CEP85L: variants seen among roughly 807,000 people sequenced by gnomAD.
CEP85L encodes the protein centrosomal protein of 85 kDa-like.
Under a neutral mutation model 100.3 loss-of-function variants are expected in CEP85L, and 60 were observed. That is an observed-to-expected ratio of 0.60 (90% confidence interval 0.49 to 0.74). CEP85L has a LOEUF of 0.74. CEP85L is among the 30% of genes least tolerant of loss of function. CEP85L has a pLI of 0.00. For missense variants in CEP85L, 973 were observed against 936.2 expected (o/e 1.04, Z -0.51); for synonymous variants, 319 against 322.7 (o/e 0.99, Z 0.12).
chr6:118,673,692 T>C (rs779694852), intron 1 of CEP85L, among the ~76,000 whole-genome samples: 1 of 152,224 alleles, frequency 6.6e-6, no homozygotes, highest in Non-Finnish European at 1.5e-5. Flanking sequence ...CTGTATCTAA[T>C]ATTTCAACAG....
chr6:118,590,030 T>C (rs1055360616), intron 2 of CEP85L, among the ~76,000 whole-genome samples: 3 of 152,006 alleles, frequency 2.0e-5, no homozygotes, highest in Non-Finnish European at 4.4e-5. Context: ...TTTCAGATTT[T>C]TTTTCTCTGC....
In CEP85L at chr6:118,469,307, C is replaced by T. The variant is rs375443089; in HGVS notation, c.2023-4G>A. On this transcript the variant is annotated splice_polypyrimidine_tract_variant and splice_region_variant and intron_variant, in intron 11 of 12. Transcript: ENST00000368491. ...TCTCATCTGTTTGTCTTTGGTTCTGCAAGGATAAAGAAAACAAACATCAGA... is the reference window on the plus strand; with the variant it reads ...TCTCATCTGTTTGTCTTTGGTTCTGTAAGGATAAAGAAAACAAACATCAGA... 103 of 1,608,786 alleles carry T rather than the reference C, an allele frequency of 6.4e-5. No homozygotes were observed. The East Asian group carries it at 6.5e-4, about 10-fold the overall frequency.
At chr6:118,702,141 CT>C (rs1385523009) in intron 1 of CEP85L, among the ~76,000 whole-genome samples, 154 of 145,186 alleles carry the variant, frequency 1.1e-3, no homozygotes, top group South Asian at 1.8e-3. Context: ...AAATTCTATT[CT>C]TTTTTTTTTT....
chr6:118,524,056 A>C, intron 3 of CEP85L, 136 bp from the exon 4 acceptor site: 1 of 411,076 alleles, frequency 2.4e-6, no homozygotes. Context: ...CGGAAATCAC[A>C]CTATGAATAC....
At position 118,651,502 on chromosome 6, in the gene CEP85L, G is replaced by A. The variant is rs1398940145; in HGVS notation, c.-233C>T. On this transcript the variant is annotated 5_prime_UTR_variant, in exon 1 of 13. Transcript: ENST00000368491. Reference sequence around the variant, plus strand: ...CCGGCTGGGCTGAGGCCCGCGCCGGGGAAGCGGCGACTCGGCGGTGACGGC... The same window carrying A: ...CCGGCTGGGCTGAGGCCCGCGCCGGAGAAGCGGCGACTCGGCGGTGACGGC... The A allele has an allele frequency of 3.5e-5, 44 of 1,269,758 alleles. No homozygotes were observed. The highest frequency in any genetic ancestry group is 4.2e-5 in the Non-Finnish European group (42 of 1,008,572). The allele number at this position is 1,269,758 out of a possible 1,614,324, so 78.7% of individuals were successfully genotyped here.
At chr6:118,687,213 A>C (rs1445610762) in intron 1 of CEP85L, among the ~76,000 whole-genome samples, 1 of 152,206 alleles carries the variant, frequency 6.6e-6, no homozygotes, top group Non-Finnish European at 1.5e-5. Flanking sequence ...CAGCAGCCAT[A>C]TCTCTCACAA....
chr6:118,583,458 A>G (rs756592528), intron 2 of CEP85L, among the ~76,000 whole-genome samples: 131 of 152,220 alleles, frequency 8.6e-4, no homozygotes, highest in Non-Finnish European at 1.3e-3. Flanking sequence ...CTTTTTAATC[A>G]CGCCTGAAAG....
chr6:118,638,855 A>C (rs1455207899), intron 1 of CEP85L, among the ~76,000 whole-genome samples: 1 of 152,148 alleles, frequency 6.6e-6, no homozygotes, highest in Non-Finnish European at 1.5e-5. Context: ...TTTACTTCTG[A>C]AGCTCTTTTA....
At chr6:118,573,293 G>A (rs2115036904) in intron 2 of CEP85L, among the ~76,000 whole-genome samples, 1 of 152,258 alleles carries the variant, frequency 6.6e-6, no homozygotes, top group Admixed American at 6.5e-5. Context: ...TCAAAGGGTT[G>A]GGTAAATAAC....
rs569345477 is a variant in CEP85L at position 118,487,172 on chromosome 6, C to A, written c.1438-3314G>T. Reference sequence around the variant, plus strand: ...ACTTGAAAGTGGGAGAAAAAAATAGCCAAGTATTTACCATGCAAAAAGGCC... The same window carrying A: ...ACTTGAAAGTGGGAGAAAAAAATAGACAAGTATTTACCATGCAAAAAGGCC... On this transcript the variant is annotated intron_variant, in intron 6 of 12. Coordinates refer to ENST00000368491, the MANE Select transcript of CEP85L (RefSeq NM_001042475.3). Among the ~76,000 whole-genome samples, 3 of 152,126 alleles carry A rather than the reference C, an allele frequency of 2.0e-5. No individual in the cohort carries two copies. In the South Asian group the frequency reaches 6.2e-4, roughly 32 times the overall value.
intron 1 of CEP85L, among the ~76,000 whole-genome samples, chr6:118,676,889 G>A (rs1042427134): frequency 1.3e-5 from 2 of 152,106 alleles, no homozygotes; most frequent in South Asian, 2.1e-4. Flanking sequence ...CATTCTAACC[G>A]GTGTAAGACG....
intron 3 of CEP85L, among the ~76,000 whole-genome samples, chr6:118,538,733 C>G (rs17080304): frequency 0.013 from 1,944 of 152,026 alleles, 52 homozygotes; most frequent in African/African-American, 0.044. Flanking sequence ...TTAGGTAAAA[C>G]AAATGAAGCT....
At chr6:118,645,417 T>C (rs1278308051) in intron 1 of CEP85L, among the ~76,000 whole-genome samples, 3 of 152,226 alleles carry the variant, frequency 2.0e-5, no homozygotes, top group East Asian at 3.8e-4. Context: ...TTCATGCCTG[T>C]CATCCCAATA....
intron 1 of CEP85L, among the ~76,000 whole-genome samples, chr6:118,676,056 C>T (rs1002247435): frequency 5.3e-5 from 8 of 151,852 alleles, no homozygotes; most frequent in Admixed American, 6.6e-5. Flanking sequence ...TTGTTATTGT[C>T]GTTATTACTA....
intron 8 of CEP85L, among the ~76,000 whole-genome samples, 169 bp from the exon 9 acceptor site, chr6:118,480,682 TAAG>T (rs2114521773): frequency 6.6e-6 from 1 of 152,246 alleles, no homozygotes; most frequent in African/African-American, 2.4e-5. Context: ...TCATAACAAG[TAAG>T]AAGGGTCCAT....
intron 2 of CEP85L, among the ~76,000 whole-genome samples, chr6:118,572,705 G>T (rs985503408): frequency 1.3e-5 from 2 of 152,078 alleles, no homozygotes; most frequent in Non-Finnish European, 2.9e-5. Flanking sequence ...GAGTCTCCTA[G>T]GAATGTATCA....
chr6:118,579,485 CTTAAGA>C (rs1368859976), intron 2 of CEP85L, among the ~76,000 whole-genome samples: 3 of 152,110 alleles, frequency 2.0e-5, no homozygotes, highest in African/African-American at 4.8e-5. Flanking sequence ...CTAGTTTCAA[CTTAAGA>C]TTAAGTCTCA....
chr6:118,505,503 T>C (rs1295057765), intron 5 of CEP85L, among the ~76,000 whole-genome samples: 1 of 144,568 alleles, frequency 6.9e-6, no homozygotes, highest in Non-Finnish European at 1.5e-5. Flanking sequence ...TGGAAAATCA[T>C]GCACTAAACT....
intron 3 of CEP85L, chr6:118,537,475 T>C (rs961951975): frequency 2.0e-6 from 2 of 979,272 alleles, no homozygotes; most frequent in Non-Finnish European, 1.2e-6. Flanking sequence ...TGTAGGCATG[T>C]AGACCCTAAC....
Sources: gnomAD v4.1 joint callset for allele counts (sites outside exome capture counted in the v4.1 genomes callset) on GRCh38, gnomAD v4.1.1 for gene constraint, MANE v1.5 for transcripts, NCBI Gene and HGNC (gene_info 2026-07-23, HGNC 2026-07-21) for gene names.